VPS50: variants seen among roughly 807,000 people sequenced by gnomAD.
VPS50 encodes VPS50 subunit of EARP/GARPII complex, also known as syndetin.
VPS50 carries 70 observed loss-of-function variants against 139.7 expected under a neutral mutation model. The observed-to-expected ratio is 0.50, with a 90% CI of 0.41 to 0.61. The LOEUF (loss-of-function observed/expected upper bound fraction) is 0.61. Ranked by LOEUF, VPS50 falls within the 20% of genes least tolerant of loss-of-function variation. VPS50 has a pLI of 0.00. For missense variants in VPS50, 921 were observed against 1,133.7 expected (o/e 0.81, Z 2.69); for synonymous variants, 365 against 376.7 (o/e 0.97, Z 0.36).
At chr7:93,308,213 TG>T (rs1488965706) in intron 18 of VPS50, among the ~76,000 whole-genome samples, 1 of 151,878 alleles carries the variant, frequency 6.6e-6, no homozygotes, top group East Asian at 1.9e-4. Context: ...TTTCCCATGC[TG>T]GCATTGGGCC....
At chr7:93,275,596 TTAGAC>T (rs987163553) in intron 11 of VPS50, among the ~76,000 whole-genome samples, 6 of 152,276 alleles carry the variant, frequency 3.9e-5, no homozygotes, top group African/African-American at 1.4e-4. Flanking sequence ...ATTACACACT[TTAGAC>T]TATAGAACAG....
intron 18 of VPS50, 54 bp from the exon 19 acceptor site, chr7:93,308,770 C>A: frequency 1.2e-6 from 1 of 858,856 alleles, no homozygotes; most frequent in Non-Finnish European, 1.9e-6. Context: ...GTTGAGACAC[C>A]CCACGAAAAG....
At chr7:93,297,666 G>A (rs1205587023) in intron 16 of VPS50, among the ~76,000 whole-genome samples, 3 of 152,122 alleles carry the variant, frequency 2.0e-5, no homozygotes, top group Non-Finnish European at 4.4e-5. Context: ...AGGAGAGGAT[G>A]TGATATTCAG....
intron 20 of VPS50, among the ~76,000 whole-genome samples, chr7:93,314,034 A>G (rs747252019): frequency 3.3e-5 from 5 of 152,296 alleles, no homozygotes; most frequent in African/African-American, 4.8e-5. Flanking sequence ...TTTTAGATAT[A>G]TACAAAACAG....
At chr7:93,295,340 A>G (rs558458950) in intron 14 of VPS50, 1 of 152,278 alleles carries the variant, frequency 6.6e-6, no homozygotes, top group African/African-American at 2.4e-5. Context: ...GGTCCCTTCT[A>G]TAGGGGAACT....
intron 5 of VPS50, among the ~76,000 whole-genome samples, chr7:93,256,780 T>C (rs933932889): frequency 2.0e-5 from 3 of 152,118 alleles, no homozygotes; most frequent in Admixed American, 2.0e-4. Context: ...TATATGATTC[T>C]AAAGTGATCT....
chr7:93,304,135 C>A (rs747683827), intron 17 of VPS50, among the ~76,000 whole-genome samples: 2 of 151,582 alleles, frequency 1.3e-5, no homozygotes, highest in Non-Finnish European at 3.0e-5. Flanking sequence ...TTGATTTTTC[C>A]CTTGGTTGAA....
intron 23 of VPS50, among the ~76,000 whole-genome samples, chr7:93,342,126 T>G (rs1377495398): frequency 6.6e-6 from 1 of 152,156 alleles, no homozygotes; most frequent in Non-Finnish European, 1.5e-5. Context: ...GCGCGCACTG[T>G]GCATGAGCCG....
rs1460279396 is a variant in VPS50 at position 93,349,904 on chromosome 7, A to G, written c.2334A>G (p.Lys778=). ...TCTCAACCGCCAGTGAACTACGGAA[A>G]CCAATTTACTGGATTGTAGCTGGTA... ...QTVSTASELR[K]PIYWIVAGKA... is the part of the protein sequence containing the mutation. The change falls in exon 25 of 28, where the codon AAA becomes AAG. Residue 778 remains lysine, a synonymous_variant. Transcript: ENST00000305866. 1 of 1,613,206 alleles carries G rather than the reference A, an allele frequency of 6.2e-7. No homozygotes were observed. The highest frequency in any genetic ancestry group is 1.3e-5 in the African/African-American group (1 of 74,900).
chr7:93,232,825 G>C (rs539886231), intron 1 of VPS50, among the ~76,000 whole-genome samples: 1 of 152,260 alleles, frequency 6.6e-6, no homozygotes, highest in Non-Finnish European at 1.5e-5. Context: ...CCGCATCCAG[G>C]CTGTCTGTCA....
At chr7:93,348,375 T>A (rs968906110) in intron 23 of VPS50, among the ~76,000 whole-genome samples, 2 of 152,170 alleles carry the variant, frequency 1.3e-5, no homozygotes, top group Non-Finnish European at 2.9e-5. Flanking sequence ...AGAAATCCTT[T>A]AAAAAAATAC....
chr7:93,345,024 A>G (rs185272709), intron 23 of VPS50, among the ~76,000 whole-genome samples: 107 of 152,346 alleles, frequency 7.0e-4, no homozygotes, highest in Non-Finnish European at 1.2e-3. Flanking sequence ...CCTTCACAAA[A>G]TTAACGAATC....
At chr7:93,335,578 CTTTT>C (rs1416924449) in intron 22 of VPS50, among the ~76,000 whole-genome samples, 3 of 151,976 alleles carry the variant, frequency 2.0e-5, no homozygotes, top group Non-Finnish European at 4.4e-5. Context: ...TTTTGTTTCT[CTTTT>C]TTCTTTTCTT....
At chr7:93,299,015 G>A (rs887949026) in intron 16 of VPS50, among the ~76,000 whole-genome samples, 5 of 152,014 alleles carry the variant, frequency 3.3e-5, no homozygotes, top group African/African-American at 1.2e-4. Flanking sequence ...ATCTTGACCC[G>A]TTTTTTTGCA....
Position 93,349,889 on chromosome 7 carries a change from C to T in VPS50, c.2319C>T (p.Ala773=), listed in dbSNP as rs773852391. 4 of 1,610,982 alleles carry T rather than the reference C, an allele frequency of 2.5e-6. No homozygotes were observed. Among genetic ancestry groups the T allele is most frequent in the Non-Finnish European group, 3.4e-6 (4 of 1,178,970 alleles). Residue 773 remains alanine, a synonymous_variant, in exon 25 of 28, where the codon GCC becomes GCT. Coordinates refer to ENST00000305866, the MANE Select transcript of VPS50 (RefSeq NM_017667.4). ...ATTTATTTCAGACAGTCTCAACCGCCAGTGAACTACGGAAACCAATTTACT... is the reference window on the plus strand; with the variant it reads ...ATTTATTTCAGACAGTCTCAACCGCTAGTGAACTACGGAAACCAATTTACT... ...QQFYSQTVST[A]SELRKPIYWI... is the part of the protein sequence containing the mutation.
At chr7:93,265,893 A>G (rs191896053) in intron 9 of VPS50, among the ~76,000 whole-genome samples, 5 of 152,282 alleles carry the variant, frequency 3.3e-5, no homozygotes, top group Admixed American at 3.3e-4. Context: ...TAACAGAGTT[A>G]AGTGAAGTTA....
chr7:93,319,364 T>TC (rs1293113378), intron 20 of VPS50, among the ~76,000 whole-genome samples: 5 of 152,228 alleles, frequency 3.3e-5, no homozygotes, highest in African/African-American at 1.2e-4. Context: ...TGCTACTTGG[T>TC]TTCTTGGCCA....
At chr7:93,264,495 C>G (rs1160232126) in intron 9 of VPS50, among the ~76,000 whole-genome samples, 2 of 152,136 alleles carry the variant, frequency 1.3e-5, no homozygotes, top group African/African-American at 2.4e-5. Context: ...CTTGAGGGAG[C>G]CTGATAGCTT....
chr7:93,349,739 C>T, intron 24 of VPS50, 136 bp from the exon 25 acceptor site: 1 of 636,820 alleles, frequency 1.6e-6, no homozygotes, highest in Non-Finnish European at 2.6e-6. Flanking sequence ...AAATTATTTT[C>T]ATCATAATTT....
Sources: gnomAD v4.1 joint callset for allele counts (sites outside exome capture counted in the v4.1 genomes callset) on GRCh38, gnomAD v4.1.1 for gene constraint, MANE v1.5 for transcripts, NCBI Gene and HGNC (gene_info 2026-07-23, HGNC 2026-07-21) for gene names.